CCDC33: variants seen among roughly 807,000 people sequenced by gnomAD.
CCDC33 encodes coiled-coil domain containing 33.
CCDC33 carries 94 observed loss-of-function variants against 91.9 expected under a neutral mutation model. The observed-to-expected ratio is 1.02, with a 90% CI of 0.87 to 1.21. The LOEUF (loss-of-function observed/expected upper bound fraction) is 1.21, where lower values mean the gene tolerates loss of function less well. Ranked by LOEUF, CCDC33 falls within the 50% of genes most tolerant of loss-of-function variation. The pLI is 0.00. For missense variants in CCDC33, 940 were observed against 935.5 expected (o/e 1.00, Z -0.06); for synonymous variants, 396 against 374.5 (o/e 1.06, Z -0.66).
intron 2 of CCDC33, among the ~76,000 whole-genome samples, chr15:74,256,199 C>T (rs1025647650): frequency 6.6e-6 from 1 of 152,176 alleles, no homozygotes; most frequent in African/African-American, 2.4e-5. Flanking sequence ...GCTCCAGTCG[C>T]CAGCACTAGG....
chr15:74,306,081 C>T (rs554981172), intron 11 of CCDC33, among the ~76,000 whole-genome samples: 48 of 152,216 alleles, frequency 3.2e-4, no homozygotes, highest in African/African-American at 7.7e-4. Flanking sequence ...AGGGGGATGA[C>T]GGAAGGCAGC....
chr15:74,245,556 T>C (rs2075497115), intron 2 of CCDC33, among the ~76,000 whole-genome samples: 3 of 152,126 alleles, frequency 2.0e-5, no homozygotes, highest in Admixed American at 6.5e-5. Flanking sequence ...CTGTCACCAA[T>C]CCGGCCTGGG....
At chr15:74,320,274 G>T (rs2060179313) in intron 11 of CCDC33, among the ~76,000 whole-genome samples, 1 of 152,246 alleles carries the variant, frequency 6.6e-6, no homozygotes, top group South Asian at 2.1e-4. Context: ...CCTCCAAAGA[G>T]CCCAGCCCAC....
chr15:74,334,483 G>A (rs1258940266), intron 17 of CCDC33, among the ~76,000 whole-genome samples: 1 of 144,914 alleles, frequency 6.9e-6, no homozygotes, highest in Non-Finnish European at 1.5e-5. Context: ...ACCAGGGTTA[G>A]GGTTCAGTAT....
chr15:74,216,169 A>G (rs1263404134), upstream of CCDC33, among the ~76,000 whole-genome samples: 2 of 152,132 alleles, frequency 1.3e-5, no homozygotes, highest in African/African-American at 2.4e-5. Flanking sequence ...CAGACCTGGC[A>G]GAGGTACACC....
At position 74,317,887 on chromosome 15, in the gene CCDC33, GTTTTTTTT is replaced by G. The variant is rs71137385; in HGVS notation, c.1291-12286_1291-12279del. Among the ~76,000 whole-genome samples the G allele has an allele frequency of 2.0e-3, 217 of 110,480 alleles. 1 individual carries two copies. The highest frequency in any genetic ancestry group is 5.2e-3 in the Middle Eastern group (1 of 194). The allele number at this position is 110,480 out of a possible 152,430, so 72.5% of individuals were successfully genotyped here. ...GTGGCGGGCTGGCTTGTTTGGGTTTGTTTTTTTTTTTTTTTTTTTTTTTGCTTCCCAGT... is the reference window on the plus strand; with the variant it reads ...GTGGCGGGCTGGCTTGTTTGGGTTTGTTTTTTTTTTTTTTTGCTTCCCAGT... On this transcript the variant is annotated intron_variant, in intron 11 of 18. Coordinates refer to ENST00000398814, the MANE Select transcript of CCDC33 (RefSeq NM_025055.5).
chr15:74,285,513 T>G (rs191589), intron 10 of CCDC33, among the ~76,000 whole-genome samples: 109,205 of 151,768 alleles, frequency 0.72, 40,789 homozygotes, highest in Non-Finnish European at 0.84. Flanking sequence ...CCCCACATGA[T>G]CTCAACCTGC....
chr15:74,209,711 C>G, intron 2 of CCDC33: 1 of 453,482 alleles, frequency 2.2e-6, no homozygotes, highest in Non-Finnish European at 3.9e-6. Context: ...AGCACAGGCT[C>G]TCCCTACCCC....
intron 11 of CCDC33, chr15:74,303,001 C>G (rs896164397): frequency 6.6e-6 from 1 of 152,294 alleles, no homozygotes; most frequent in African/African-American, 2.4e-5. Context: ...GTCCTGCCCC[C>G]AGACCCACAC....
At chr15:74,317,898 T>TG (rs1442608786) in intron 11 of CCDC33, among the ~76,000 whole-genome samples, 10 of 149,166 alleles carry the variant, frequency 6.7e-5, no homozygotes, top group African/African-American at 2.2e-4. Context: ...TTTTTTTTTT[T>TG]TTTTTTTTTT....
rs748070126 is a variant in CCDC33, at chr15:74,295,902, G to A, written c.1244G>A (p.Arg415Gln). 19 of 1,614,004 alleles carry A rather than the reference G, an allele frequency of 1.2e-5. No homozygotes were observed. The highest frequency in any genetic ancestry group is 6.6e-5 in the South Asian group (6 of 91,028). The stretch of plus-strand genomic sequence containing the variant: ...ATGGACTTGAGCACGTCCACTCCAC[G>A]AGAAGCAGAGGAGGAACCTCTGGTG... Reference protein sequence around the residue: ...STMDLSTSTPREAEEEPLVPE... With the variant: ...STMDLSTSTPQEAEEEPLVPE... Residue 415 changes from arginine (R) to glutamine (Q), a missense_variant, in exon 11 of 19, where the codon CGA becomes CAA. Transcript: ENST00000398814.
chr15:74,293,695 G>A (rs1567007734), intron 10 of CCDC33, among the ~76,000 whole-genome samples: 1 of 152,210 alleles, frequency 6.6e-6, no homozygotes, highest in Non-Finnish European at 1.5e-5. Context: ...AGACAAAACA[G>A]GCCCAGGAGT....
At chr15:74,262,850 G>A (rs541506952) in intron 3 of CCDC33, among the ~76,000 whole-genome samples, 6 of 152,044 alleles carry the variant, frequency 3.9e-5, no homozygotes, top group East Asian at 1.9e-4. Flanking sequence ...TGTTATTAGC[G>A]CTGTCTCCTA....
rs931895929 is a variant in CCDC33, at chr15:74,218,903, G to A, written c.675+42G>A. On this transcript the variant is annotated intron_variant, in intron 2 of 2. Transcript: ENST00000635913. This position sits in a 1 kb window ranked among gnomAD's most constrained non-coding sequence, Gnocchi z 4.8. ...TCCCAGTTCAGGTTCTGGGCTCACC[G>A]GGTACAAGACCCAGCCTCCGTGATA... The A allele has an allele frequency of 6.4e-5, 77 of 1,201,618 alleles. No homozygotes were observed. Among genetic ancestry groups the A allele is most frequent in the Non-Finnish European group, 7.5e-5 (71 of 947,482 alleles). 74.4% of individuals were successfully genotyped at this position (1,201,618 alleles called of 1,614,324 possible).
Sources: allele counts gnomAD v4.1 joint callset (sites outside exome capture counted in the v4.1 genomes callset), GRCh38; gene constraint gnomAD v4.1.1; non-coding constraint Gnocchi (gnomAD v3.1); transcripts MANE v1.5; gene names NCBI Gene and HGNC (gene_info 2026-07-23, HGNC 2026-07-21).